ERBB3: variants seen among roughly 807,000 people sequenced by gnomAD.
The protein encoded by ERBB3 is receptor tyrosine-protein kinase erbB-3.
In ERBB3, 96 loss-of-function variants were observed where a neutral mutation model predicts 156.7. That is an observed-to-expected ratio of 0.61 (90% confidence interval 0.52 to 0.73). ERBB3 has a LOEUF of 0.73. Ranked by LOEUF, ERBB3 falls within the 30% of genes least tolerant of loss-of-function variation. The probability of loss-of-function intolerance (pLI) is 0.00; values close to 1 mark genes in which losing one functional copy is unlikely to be tolerated. For synonymous variants in ERBB3, 567 were observed against 632.0 expected, an observed-to-expected ratio of 0.90 and a Z score of 1.54; for missense variants, 1,406 against 1,709.4, an observed-to-expected ratio of 0.82 and a Z score of 3.13.
chr12:56,083,104 C>G (rs77313500), intron 1 of ERBB3, among the ~76,000 whole-genome samples: 381 of 152,232 alleles, frequency 2.5e-3, no homozygotes, highest in Non-Finnish European at 4.8e-3. Flanking sequence ...AGAGCTCCCC[C>G]CTCTACTGAG....
In ERBB3 at chr12:56,092,880, G is replaced by A. The variant is rs553151640; in HGVS notation, c.1183+60G>A. ...TAGGTGAACCACTGGCATAAATTGCGGTATAACTACTTGAGAAAATCACGT... is the reference window on the plus strand; with the variant it reads ...TAGGTGAACCACTGGCATAAATTGCAGTATAACTACTTGAGAAAATCACGT... On this transcript the variant is annotated intron_variant, in intron 10 of 27. Coordinates refer to ENST00000267101, the MANE Select transcript of ERBB3 (RefSeq NM_001982.4). 71 of 1,560,390 alleles carry A rather than the reference G, an allele frequency of 4.6e-5. No homozygotes were observed. The South Asian group carries it at 4.9e-4, about 11-fold the overall frequency.
At chr12:56,085,365 C>A in intron 3 of ERBB3, 184 bp downstream of exon 3, 1 of 1,459,766 alleles carries the variant, frequency 6.9e-7, no homozygotes, top group Non-Finnish European at 9.1e-7. Flanking sequence ...GAGCTAGGGG[C>A]ATCTGCTCCA....
chr12:56,101,406 C>G (rs374782318), intron 27 of ERBB3, 45 bp downstream of exon 27: 1 of 1,606,898 alleles, frequency 6.2e-7, no homozygotes, highest in African/African-American at 1.3e-5. Context: ...TCCTCGAATT[C>G]TTTCCCCGGG....
Position 56,087,661 on chromosome 12 carries a change from C to G in ERBB3, c.613+19C>G. ...CAGACATGTGGGTTTGAAATTCCCTCCAAAAACTTCACTCATACGCTTTCA... is the reference window on the plus strand; with the variant it reads ...CAGACATGTGGGTTTGAAATTCCCTGCAAAAACTTCACTCATACGCTTTCA... On this transcript the variant is annotated intron_variant, in intron 5 of 27. Transcript: ENST00000267101. 2 of 1,612,938 alleles carry G rather than the reference C, an allele frequency of 1.2e-6. No individual in the cohort carries two copies. Among genetic ancestry groups the G allele is most frequent in the South Asian group, 1.1e-5 (1 of 91,068 alleles).
chr12:56,096,565 G>T lies in ERBB3; in HGVS notation c.2118G>T (p.Glu706Asp), dbSNP rs767179070. ...AAGTCTTGGCCAGAATCTTCAAAGAGACAGAGCTAAGGAAGCTTAAAGTGC... is the reference window on the plus strand; with the variant it reads ...AAGTCTTGGCCAGAATCTTCAAAGATACAGAGCTAAGGAAGCTTAAAGTGC... ...ANKVLARIFK[E>D]TELRKLKVLG... Residue 706 changes from glutamate (E) to aspartate (D), a missense_variant, in exon 18 of 28, where the codon GAG (glutamate) becomes GAT (aspartate). By Grantham distance (45) the Glu-to-Asp change is conservative. This residue lies in a region of ERBB3 where 979 missense variants were observed against 1,219.6 expected (regional missense o/e 0.80). Coordinates refer to ENST00000267101, the MANE Select transcript of ERBB3 (RefSeq NM_001982.4). 6.2e-7 allele frequency: 1 copy of T among 1,614,190 alleles called. No homozygotes were observed. Among genetic ancestry groups the T allele is most frequent in the South Asian group, 1.1e-5 (1 of 91,086 alleles).
intron 12 of ERBB3, 89 bp from the exon 13 acceptor site, chr12:56,093,675 G>C: frequency 6.3e-7 from 1 of 1,587,402 alleles, no homozygotes; most frequent in South Asian, 1.1e-5. Flanking sequence ...GGGGCTGTTA[G>C]GCTGGAAGCA....
At position 56,101,753 on chromosome 12, in the gene ERBB3, C is replaced by A; in HGVS notation, c.3727C>A (p.Leu1243Ile). Residue 1243 changes from leucine (L) to isoleucine (I), a missense_variant, in exon 28 of 28, where the codon CTC (leucine) becomes ATC (isoleucine). Coordinates refer to ENST00000267101, the MANE Select transcript of ERBB3 (RefSeq NM_001982.4). ...TCTGGGCAGCACACAGAGTTGCCCACTCCACCCTGTACCCATCATGCCCAC... is the reference window on the plus strand; with the variant it reads ...TCTGGGCAGCACACAGAGTTGCCCAATCCACCCTGTACCCATCATGCCCAC... ...ASLGSTQSCPLHPVPIMPTAG... is the reference protein window; with the variant it reads ...ASLGSTQSCPIHPVPIMPTAG... 2 of 1,613,762 alleles carry A rather than the reference C, an allele frequency of 1.2e-6. No homozygotes were observed.
rs1565858589 is a variant in ERBB3 at position 56,091,324 on chromosome 12, T to TTACAAATATATATTATAAATATAAAC, written c.1110-1423_1110-1422insTACAAATATATATTATAAATATAAAC. Among the ~76,000 whole-genome samples the TTACAAATATATATTATAAATATAAAC allele has an allele frequency of 5.3e-3, 126 of 23,744 alleles. 57 individuals are homozygous for TTACAAATATATATTATAAATATAAAC. The highest frequency in any genetic ancestry group is 0.019 in the African/African-American group (125 of 6,420). The allele number at this position is 23,744 out of a possible 152,430, so 15.6% of individuals were successfully genotyped here. A position where few individuals can be genotyped will look rare whatever the true frequency, so the allele number is the denominator to read the frequency against. On this transcript the variant is annotated intron_variant, in intron 9 of 27. Transcript: ENST00000267101. The stretch of plus-strand genomic sequence containing the variant: ...TAATATATATAAATATAAATATATA[T>TTACAAATATATATTATAAATATAAAC]ATATAAATAATATATATAAATATAT...
At chr12:56,092,373 G>A (rs1160416473) in intron 9 of ERBB3, among the ~76,000 whole-genome samples, 7 of 95,324 alleles carry the variant, frequency 7.3e-5, no homozygotes, top group African/African-American at 2.8e-4. Flanking sequence ...CTGGGCGATA[G>A]AGCAAGACTC....
chr12:56,090,811 TTAAAAA>T (rs1376949990), intron 9 of ERBB3, among the ~76,000 whole-genome samples: 4 of 152,186 alleles, frequency 2.6e-5, no homozygotes, highest in Non-Finnish European at 5.9e-5. Flanking sequence ...CGTATATTCC[TTAAAAA>T]TAATATTTTC....
Position 56,102,970 on chromosome 12 carries a change from A to G in ERBB3, c.*915A>G. On this transcript the variant is annotated 3_prime_UTR_variant, in exon 28 of 28. Transcript: ENST00000267101. ...AGCAAGACACTGTCTCTACAGGGGA[A>G]AAAAAAAAAAGAAACTGAGCCTTAA... 2 of 214,812 alleles carry G rather than the reference A, an allele frequency of 9.3e-6. No homozygotes were observed. Among genetic ancestry groups the G allele is most frequent in the Non-Finnish European group, 9.3e-6 (1 of 107,218 alleles). 13.3% of individuals were successfully genotyped at this position (214,812 alleles called of 1,614,324 possible). A position where few individuals can be genotyped will look rare whatever the true frequency, so the allele number is the denominator to read the frequency against.
chr12:56,087,390 G>A (rs1252471933), intron 4 of ERBB3, among the ~76,000 whole-genome samples, 187 bp from the exon 5 acceptor site: 2 of 152,112 alleles, frequency 1.3e-5, no homozygotes, highest in Non-Finnish European at 2.9e-5. Flanking sequence ...GTGTGGAGGC[G>A]TGGCCGCGCC....
In ERBB3 at chr12:56,087,577, GT is replaced by G. The variant is rs749430896; in HGVS notation, c.549del (p.Cys186ValfsTer20). 6.2e-7 allele frequency: 1 copy of G among 1,613,876 alleles called. No individual in the cohort carries two copies. Among genetic ancestry groups the G allele is most frequent in the South Asian group, 1.1e-5 (1 of 91,070 alleles). On this transcript the variant is annotated frameshift_variant and splice_region_variant, in exon 5 of 28. Coordinates refer to ENST00000267101, the MANE Select transcript of ERBB3 (RefSeq NM_001982.4). LOFTEE classifies it high-confidence loss of function. Reference protein sequence around the residue: ...EIVVKDNGRSCPPCHEVCKGR... With the variant: ...EIVVKDNGRSXPPCHEVCKGR... Reference sequence around the variant, plus strand: ...TTGTGTTGCCTTCCTTCCCAACCAGGTCCCCCCTGTCATGAGGTTTGCAAGG... The same window carrying G: ...TTGTGTTGCCTTCCTTCCCAACCAGGCCCCCCTGTCATGAGGTTTGCAAGG...
rs1868387981 is a variant in ERBB3, at chr12:56,083,747, A to G, written c.83-4A>G. 1 of 1,613,966 alleles carries G rather than the reference A, an allele frequency of 6.2e-7. No individual in the cohort carries two copies. Among genetic ancestry groups the G allele is most frequent in the African/African-American group, 1.3e-5 (1 of 74,880 alleles). ...TCAGCCACTCTTCCCTCTGCTTTGAACAGTGTGTCCTGGGACTCTGAATGG... is the reference window on the plus strand; with the variant it reads ...TCAGCCACTCTTCCCTCTGCTTTGAGCAGTGTGTCCTGGGACTCTGAATGG... On this transcript the variant is annotated splice_region_variant and splice_polypyrimidine_tract_variant and intron_variant, in intron 1 of 27. Coordinates refer to ENST00000267101, the MANE Select transcript of ERBB3 (RefSeq NM_001982.4).
chr12:56,095,916 G>T, intron 17 of ERBB3, 110 bp downstream of exon 17: 9 of 1,151,148 alleles, frequency 7.8e-6, no homozygotes, highest in East Asian at 2.3e-5. Flanking sequence ...GTCAGTGATG[G>T]GATAAATGTC....
chr12:56,082,180 A>G (rs973684001), intron 1 of ERBB3, among the ~76,000 whole-genome samples: 2 of 152,178 alleles, frequency 1.3e-5, no homozygotes, highest in African/African-American at 4.8e-5. Flanking sequence ...ACCCAACTAT[A>G]GATTCCTGAG....
At position 56,100,192 on chromosome 12, in the gene ERBB3, CCAT is replaced by C. The variant is rs768349544; in HGVS notation, c.3153_3155del (p.Ser1052del). On this transcript the variant is annotated inframe_deletion, in exon 26 of 28. Coordinates refer to ENST00000267101, the MANE Select transcript of ERBB3 (RefSeq NM_001982.4). Reference sequence around the variant, plus strand: ...ATCCTAGAGCCAGAGCCTTTTAAGTCCATCATCTGGATACATGCCCATGAACCA... The same window carrying C: ...ATCCTAGAGCCAGAGCCTTTTAAGTCCATCTGGATACATGCCCATGAACCA... 6.2e-7 allele frequency: 1 copy of C among 1,614,014 alleles called. No homozygotes were observed. The highest frequency in any genetic ancestry group is 1.3e-5 in the African/African-American group (1 of 75,034).
intron 20 of ERBB3, 58 bp downstream of exon 20, chr12:56,097,288 G>T: frequency 1.3e-6 from 2 of 1,546,316 alleles, no homozygotes. Flanking sequence ...GGCCAGCCAG[G>T]AAAAAGTGAG....
chr12:56,101,610 A>G lies in ERBB3; in HGVS notation c.3584A>G (p.Glu1195Gly). 1 of 1,614,010 alleles carries G rather than the reference A, an allele frequency of 6.2e-7. No individual in the cohort carries two copies. The highest frequency in any genetic ancestry group is 8.5e-7 in the Non-Finnish European group (1 of 1,179,992). Residue 1195 changes from glutamate to glycine, a missense_variant, in exon 28 of 28, where the codon GAG becomes GGG. Transcript: ENST00000267101. ...VLGTEEEDEDEEYEYMNRRRR... is the reference protein window; with the variant it reads ...VLGTEEEDEDGEYEYMNRRRR... ...GGTACTGAAGAAGAAGATGAAGATG[A>G]GGAGTATGAATACATGAACCGGAGG...
Sources: allele counts gnomAD v4.1 joint callset (sites outside exome capture counted in the v4.1 genomes callset), GRCh38; gene constraint gnomAD v4.1.1; regional missense constraint gnomAD v4.1.1; transcripts MANE v1.5; gene names NCBI Gene and HGNC (gene_info 2026-07-23, HGNC 2026-07-21).